CADM2: variants seen among roughly 807,000 people sequenced by gnomAD.
The protein encoded by CADM2 is immunoglobulin superfamily member 4D.
Under a neutral mutation model 49.8 loss-of-function variants are expected in CADM2, and 12 were observed. The observed-to-expected ratio is 0.24, with a 90% CI of 0.15 to 0.39. The LOEUF is 0.39. CADM2 is among the 10% of genes least tolerant of loss of function. CADM2 has a pLI of 1.00. For synonymous variants in CADM2, 214 were observed against 175.4 expected (o/e 1.22, Z -1.74); for missense variants, 378 against 492.3 (o/e 0.77, Z 2.20).
chr3:85,987,660 T>C (rs908332429), intron 8 of CADM2, among the ~76,000 whole-genome samples: 16 of 146,764 alleles, frequency 1.1e-4, no homozygotes, highest in African/African-American at 3.9e-4. Context: ...TTTATATAAT[T>C]TATAATATAA....
At chr3:85,697,093 ATATGCCATATATATATATGGCATAT>A (rs2066586955) in intron 1 of CADM2, among the ~76,000 whole-genome samples, 3 of 134,580 alleles carry the variant, frequency 2.2e-5, no homozygotes, top group African/African-American at 7.5e-5. Flanking sequence ...CCATATATAT[ATATGCCATATATATATATGGCATAT>A]ATATATATGG....
At chr3:85,527,358 C>T (rs1464984498) in intron 1 of CADM2, among the ~76,000 whole-genome samples, 1 of 147,446 alleles carries the variant, frequency 6.8e-6, no homozygotes, top group Non-Finnish European at 1.5e-5. Context: ...CATGTCACTG[C>T]ACTCTAGCCT....
intron 1 of CADM2, among the ~76,000 whole-genome samples, chr3:85,325,963 A>G (rs1360530380): frequency 2.0e-5 from 3 of 152,156 alleles, no homozygotes; most frequent in Non-Finnish European, 4.4e-5. Flanking sequence ...TCTATATTTA[A>G]ACATGTTGGA....
intron 1 of CADM2, among the ~76,000 whole-genome samples, chr3:85,707,998 AC>A (rs2067002363): frequency 6.6e-6 from 1 of 152,286 alleles, no homozygotes; most frequent in South Asian, 2.1e-4. Flanking sequence ...TGCTCCTTCT[AC>A]TTGTTAGTAA....
intron 5 of CADM2, among the ~76,000 whole-genome samples, chr3:85,906,096 T>C (rs1440878025): frequency 6.6e-6 from 1 of 152,172 alleles, no homozygotes; most frequent in Non-Finnish European, 1.5e-5. Flanking sequence ...CGTAGATATT[T>C]TTATTTCCTT....
Position 86,065,705 on chromosome 3 carries a change from T to C in CADM2, c.1071T>C (p.Leu357=). Residue 357 remains leucine (L), a synonymous_variant, in exon 9 of 10, where the codon CTT becomes CTC. Transcript: ENST00000383699. ...TCACGCTGTGTTCTATCTTTCTGCTTGGTCGATATCTGGCAAGGCATAAAG... is the reference window on the plus strand; with the variant it reads ...TCACGCTGTGTTCTATCTTTCTGCTCGGTCGATATCTGGCAAGGCATAAAG... ...VFVTLCSIFL[L]GRYLARHKGT... is the part of the protein sequence containing the mutation. The C allele has an allele frequency of 6.2e-7, 1 of 1,614,042 alleles. No homozygotes were observed. Among genetic ancestry groups the C allele is most frequent in the Non-Finnish European group, 8.5e-7 (1 of 1,179,958 alleles).
intron 8 of CADM2, among the ~76,000 whole-genome samples, chr3:85,995,962 C>T (rs937646347): frequency 4.0e-4 from 61 of 151,516 alleles, no homozygotes; most frequent in African/African-American, 1.4e-3. Context: ...TGGTGGCGGT[C>T]GCCTGTAGTC....
At chr3:85,879,267 T>G (rs954823993) in intron 3 of CADM2, among the ~76,000 whole-genome samples, 3 of 152,174 alleles carry the variant, frequency 2.0e-5, no homozygotes. Flanking sequence ...TAAAGTGTGC[T>G]GTATCCAAAT....
chr3:85,544,407 T>C (rs1284300041), intron 1 of CADM2, among the ~76,000 whole-genome samples: 1 of 151,906 alleles, frequency 6.6e-6, no homozygotes, highest in African/African-American at 2.4e-5. Flanking sequence ...TGAAACCCCA[T>C]CTCTACTTAA....
chr3:85,485,277 A>C (rs2107635003), intron 1 of CADM2, among the ~76,000 whole-genome samples: 1 of 152,016 alleles, frequency 6.6e-6, no homozygotes, highest in East Asian at 1.9e-4. Context: ...ATTGTTCCAT[A>C]TTTTGAAGAT....
chr3:85,873,920 A>T (rs1711501128), intron 3 of CADM2, among the ~76,000 whole-genome samples: 1 of 152,222 alleles, frequency 6.6e-6, no homozygotes, highest in Admixed American at 6.5e-5. Context: ...AAGTGGGGAA[A>T]CTGAGGGAAG....
chr3:85,678,364 T>TA (rs1457510051), intron 1 of CADM2, among the ~76,000 whole-genome samples: 1 of 152,188 alleles, frequency 6.6e-6, no homozygotes, highest in Non-Finnish European at 1.5e-5. Context: ...GATGGTTGGC[T>TA]AGTCTAGAAA....
intron 1 of CADM2, among the ~76,000 whole-genome samples, chr3:85,132,182 G>A (rs1173939841): frequency 6.6e-6 from 1 of 152,110 alleles, no homozygotes; most frequent in African/African-American, 2.4e-5. Context: ...AGTTAAAAAA[G>A]GTTGATCTTC....
At chr3:85,674,226 G>A (rs540430804) in intron 1 of CADM2, among the ~76,000 whole-genome samples, 4 of 152,076 alleles carry the variant, frequency 2.6e-5, no homozygotes, top group Non-Finnish European at 5.9e-5. Flanking sequence ...ATAAATATGT[G>A]TAAAAAACAT....
intron 1 of CADM2, among the ~76,000 whole-genome samples, chr3:85,282,407 G>A (rs2043525245): frequency 6.8e-6 from 1 of 148,082 alleles, no homozygotes; most frequent in African/African-American, 2.5e-5. Context: ...GACTACAGGC[G>A]TGAGCCGCCA....
At chr3:85,351,772 A>G (rs77822912) in intron 1 of CADM2, among the ~76,000 whole-genome samples, 4,148 of 152,246 alleles carry the variant, frequency 0.027, 100 homozygotes, top group African/African-American at 0.054. Flanking sequence ...GTCATTTAAA[A>G]TGAGATTTAG....
At chr3:85,927,464 A>G (rs1334203336) in intron 6 of CADM2, among the ~76,000 whole-genome samples, 2 of 152,188 alleles carry the variant, frequency 1.3e-5, no homozygotes, top group Non-Finnish European at 2.9e-5. Context: ...TTACCATTCT[A>G]GTGAAACAAT....
At chr3:85,961,945 AT>A (rs1234795711) in intron 8 of CADM2, among the ~76,000 whole-genome samples, 2 of 150,908 alleles carry the variant, frequency 1.3e-5, no homozygotes, top group Non-Finnish European at 3.0e-5. Flanking sequence ...TTTATTTTTT[AT>A]TTTTTTTGGA....
At chr3:85,956,827 C>T (rs1439627349) in intron 7 of CADM2, among the ~76,000 whole-genome samples, 1 of 151,486 alleles carries the variant, frequency 6.6e-6, no homozygotes, top group African/African-American at 2.4e-5. Flanking sequence ...ATAAACAGAA[C>T]TAGGAAAAAA....
Sources: gnomAD v4.1 joint callset for allele counts (sites outside exome capture counted in the v4.1 genomes callset) on GRCh38, gnomAD v4.1.1 for gene constraint, MANE v1.5 for transcripts, NCBI Gene and HGNC (gene_info 2026-07-23, HGNC 2026-07-21) for gene names.